RIMS1: variants seen among roughly 807,000 people sequenced by gnomAD.
The protein encoded by RIMS1 is regulating synaptic membrane exocytosis 1.
Under a neutral mutation model 214.1 loss-of-function variants are expected in RIMS1, and 83 were observed. The ratio of observed to expected loss-of-function variants is 0.39; its 90% CI spans 0.32 to 0.47. The LOEUF is 0.47. RIMS1 is among the 20% of genes least tolerant of loss of function. RIMS1 has a pLI of 0.99. For missense variants in RIMS1, 2,050 were observed against 2,161.8 expected (o/e 0.95, Z 1.03); for synonymous variants, 793 against 786.8 (o/e 1.01, Z -0.13).
intron 6 of RIMS1, among the ~76,000 whole-genome samples, chr6:72,190,001 A>C (rs188224546): frequency 6.6e-6 from 1 of 152,288 alleles, no homozygotes; most frequent in African/African-American, 2.4e-5. Context: ...GCTTCTTCCA[A>C]GTCCCTGACC....
intron 1 of RIMS1, among the ~76,000 whole-genome samples, chr6:71,910,604 G>A (rs145453675): frequency 3.9e-5 from 6 of 152,236 alleles, no homozygotes; most frequent in African/African-American, 1.4e-4. Flanking sequence ...TCATTATCCA[G>A]GATTGATTTT....
chr6:71,973,169 A>G (rs2151391493), intron 2 of RIMS1, among the ~76,000 whole-genome samples: 1 of 152,294 alleles, frequency 6.6e-6, no homozygotes, highest in Middle Eastern at 3.4e-3. Flanking sequence ...TGGCCTCCCA[A>G]AGTGCTGGGA....
chr6:72,027,112 G>A (rs1461869795), intron 2 of RIMS1, among the ~76,000 whole-genome samples: 1 of 151,986 alleles, frequency 6.6e-6, no homozygotes, highest in Non-Finnish European at 1.5e-5. Context: ...TATTTGGACA[G>A]GCAAGACTTT....
intron 6 of RIMS1, among the ~76,000 whole-genome samples, chr6:72,230,206 A>G (rs2061516128): frequency 6.6e-6 from 1 of 151,782 alleles, no homozygotes; most frequent in Non-Finnish European, 1.5e-5. Context: ...TGTATTTGAA[A>G]TTGCTATTCA....
chr6:72,079,979 G>A (rs1453082871), intron 2 of RIMS1, among the ~76,000 whole-genome samples: 1 of 143,182 alleles, frequency 7.0e-6, no homozygotes, highest in South Asian at 2.3e-4. Context: ...GCTCATTCCT[G>A]TAATGCCAAC....
chr6:71,951,652 G>T (rs1374636547), intron 1 of RIMS1, among the ~76,000 whole-genome samples: 2 of 105,018 alleles, frequency 1.9e-5, no homozygotes, highest in South Asian at 3.5e-4. Flanking sequence ...GCACCACCAC[G>T]CTTAGCTAAT....
At chr6:72,087,948 G>A (rs945819782) in intron 2 of RIMS1, among the ~76,000 whole-genome samples, 13 of 152,150 alleles carry the variant, frequency 8.5e-5, no homozygotes, top group East Asian at 5.8e-4. Context: ...GATGTCTATC[G>A]TGCTGGCTAC....
chr6:72,022,200 C>G (rs961464794), intron 2 of RIMS1, among the ~76,000 whole-genome samples: 22 of 152,076 alleles, frequency 1.4e-4, no homozygotes, highest in African/African-American at 5.1e-4. Context: ...AAAATATTTA[C>G]AGAAAATTTA....
At chr6:72,057,901 A>G (rs1439508688) in intron 2 of RIMS1, among the ~76,000 whole-genome samples, 1 of 152,254 alleles carries the variant, frequency 6.6e-6, no homozygotes, top group Non-Finnish European at 1.5e-5. Context: ...TCATTTGTTT[A>G]GACACCAGCC....
intron 29 of RIMS1, among the ~76,000 whole-genome samples, chr6:72,383,286 G>A (rs574424610): frequency 6.6e-6 from 1 of 152,164 alleles, no homozygotes; most frequent in East Asian, 1.9e-4. Flanking sequence ...TCTCCTTCTA[G>A]ACTATGAAAT....
At chr6:72,169,912 A>G (rs1294502070) in intron 4 of RIMS1, among the ~76,000 whole-genome samples, 3 of 152,160 alleles carry the variant, frequency 2.0e-5, no homozygotes, top group African/African-American at 7.2e-5. Context: ...CCCTGTCTCA[A>G]AAACAAAACA....
chr6:71,903,802 A>C (rs956437678), intron 1 of RIMS1, among the ~76,000 whole-genome samples: 8 of 152,078 alleles, frequency 5.3e-5, no homozygotes, highest in African/African-American at 1.9e-4. Context: ...GTCTGCATGC[A>C]TATTAAGTCT....
chr6:72,179,848 C>T lies in RIMS1; in HGVS notation c.745C>T (p.Gln249Ter). The change falls in exon 5 of 34, where the codon CAG becomes TAG. Residue 249 changes from glutamine to a stop codon, truncating the protein, a stop_gained. Transcript: ENST00000521978. LOFTEE classifies it high-confidence loss of function. The stretch of plus-strand genomic sequence containing the variant: ...CAGGAGCAAAGGGGCTGAGCCCTCG[C>T]AGCAAGCCTTGGGGCCTGAACAGAA... ...PDRSKGAEPS[Q>*]QALGPEQKQA... 1 of 1,608,118 alleles carries T rather than the reference C, an allele frequency of 6.2e-7. No individual in the cohort carries two copies. Among genetic ancestry groups the T allele is most frequent in the Non-Finnish European group, 8.5e-7 (1 of 1,176,532 alleles).
intron 1 of RIMS1, among the ~76,000 whole-genome samples, chr6:71,928,199 T>C (rs1782079944): frequency 6.6e-6 from 1 of 152,152 alleles, no homozygotes; most frequent in Admixed American, 6.5e-5. Context: ...CGTACATCTT[T>C]GTATACACAT....
At chr6:72,097,829 T>C (rs533788611) in intron 3 of RIMS1, among the ~76,000 whole-genome samples, 3 of 152,312 alleles carry the variant, frequency 2.0e-5, no homozygotes, top group Non-Finnish European at 4.4e-5. Context: ...TTTGAAGCGT[T>C]AAGATGCTAA....
At chr6:72,071,766 T>C (rs1289149847) in intron 2 of RIMS1, among the ~76,000 whole-genome samples, 2 of 152,186 alleles carry the variant, frequency 1.3e-5, no homozygotes, top group Non-Finnish European at 2.9e-5. Flanking sequence ...GTTTGAGATG[T>C]CCTACTTTCA....
At chr6:72,014,916 C>T (rs529187810) in intron 2 of RIMS1, among the ~76,000 whole-genome samples, 75 of 152,144 alleles carry the variant, frequency 4.9e-4, no homozygotes, top group South Asian at 1.2e-3. Flanking sequence ...ATTTCTTTTC[C>T]GGCTCAGATT....
intron 2 of RIMS1, among the ~76,000 whole-genome samples, chr6:71,979,578 A>G (rs1266943578): frequency 1.3e-5 from 2 of 152,110 alleles, no homozygotes; most frequent in Non-Finnish European, 2.9e-5. Context: ...TTTAACAAAT[A>G]TTTACCATGA....
rs143148049 is a variant in RIMS1, at chr6:72,379,164, G to A, written c.4367-11434G>A. Among the ~76,000 whole-genome samples, 464 of 152,296 alleles carry A rather than the reference G, an allele frequency of 3.0e-3. 1 individual carries two copies. The highest frequency in any genetic ancestry group is 9.6e-3 in the African/African-American group (397 of 41,570). ...TAGAATATTATCTTCTGTGGTACAC[G>A]ATAGGGTGCTGTAACAAGGCACACA... On this transcript the variant is annotated intron_variant, in intron 29 of 33. Coordinates refer to ENST00000521978, the MANE Select transcript of RIMS1 (RefSeq NM_014989.7).
Sources: allele counts gnomAD v4.1 joint callset (sites outside exome capture counted in the v4.1 genomes callset), GRCh38; gene constraint gnomAD v4.1.1; transcripts MANE v1.5; gene names NCBI Gene and HGNC (gene_info 2026-07-23, HGNC 2026-07-21).